Variants in EPN1 observed in about 807,000 individuals in gnomAD.
The protein encoded by EPN1 is epsin 1.
A neutral mutation model predicts 56.9 loss-of-function variants in EPN1; 25 were observed. That is an observed-to-expected ratio of 0.44 (90% CI 0.32 to 0.61). The LOEUF is 0.61. Ranked by LOEUF, EPN1 falls within the 20% of genes least tolerant of loss-of-function variation. The probability of loss-of-function intolerance (pLI) is 0.05; values close to 1 mark genes in which losing one functional copy is unlikely to be tolerated. For synonymous variants in EPN1, 411 were observed against 361.8 expected (o/e 1.14, Z -1.54); for missense variants, 785 against 823.7 (o/e 0.95, Z 0.58).
In EPN1 at chr19:55,698,612, G is replaced by C. The variant is rs746309142; in HGVS notation, c.*3256G>C. 2 of 152,436 alleles carry C rather than the reference G, an allele frequency of 1.3e-5. No homozygotes were observed. The highest frequency in any genetic ancestry group is 2.9e-5 in the Non-Finnish European group (2 of 68,196). The allele number at this position is 152,436 out of a possible 1,614,324, so 9.4% of individuals were successfully genotyped here. On this transcript the variant is annotated 3_prime_UTR_variant, in exon 11 of 11. Transcript: ENST00000270460. ...CGCTTGCCCCTCGCTCTGGAGCTGC[G>C]ATGCCAGCCTCAGGGCTTTCAGTCC...
chr19:55,676,213 A>T (rs1249801431), intron 1 of EPN1, among the ~76,000 whole-genome samples: 1 of 152,226 alleles, frequency 6.6e-6, no homozygotes, highest in Non-Finnish European at 1.5e-5. Context: ...GTGTGTAATT[A>T]CTGGGAGCTC....
At chr19:55,675,664 C>T (rs1295907557) in intron 1 of EPN1, among the ~76,000 whole-genome samples, 3 of 152,160 alleles carry the variant, frequency 2.0e-5, no homozygotes, top group African/African-American at 4.8e-5. Flanking sequence ...CTGCCTGTGC[C>T]TGTTTCAGTG....
chr19:55,687,776 C>T (rs1476675948), intron 3 of EPN1, among the ~76,000 whole-genome samples: 1 of 152,208 alleles, frequency 6.6e-6, no homozygotes, highest in East Asian at 1.9e-4. Context: ...GGTCACCCTT[C>T]GGCCCCGCTC....
At position 55,709,014 on chromosome 19, in the gene EPN1, A is replaced by C; in HGVS notation, c.*13658A>C. ...CTTCCACAGACATCAGGATCTTCTG[A>C]GTTTCTTCATCAAAGCCAGATTTGT... On this transcript the variant is annotated 3_prime_UTR_variant, in exon 11 of 11. Transcript: ENST00000270460. The C allele has an allele frequency of 1.3e-6, 2 of 1,582,616 alleles. No individual in the cohort carries two copies. Among genetic ancestry groups the C allele is most frequent in the African/African-American group, 2.7e-5 (2 of 72,922 alleles).
At chr19:55,683,027 T>C (rs910371134) in intron 2 of EPN1, among the ~76,000 whole-genome samples, 2 of 151,644 alleles carry the variant, frequency 1.3e-5, no homozygotes, top group East Asian at 3.9e-4. Context: ...AGTGCTGGGA[T>C]TACAGGTGTG....
At position 55,689,239 on chromosome 19, in the gene EPN1, G is replaced by T. The variant is rs1986373487; in HGVS notation, c.604-58G>T. On this transcript the variant is annotated intron_variant, in intron 4 of 10. Transcript: ENST00000270460. This position sits in a 1 kb window ranked among gnomAD's most constrained non-coding sequence, Gnocchi z 5.7. ...TTCGGCTCTATCTGACCCTGGCTCT[G>T]CCTCTGACTCTGCCTCTGGCCCCTC... is the stretch of plus-strand genomic sequence containing the variant. 3.0e-6 allele frequency: 4 copies of T among 1,328,902 alleles called. No homozygotes were observed. In the African/African-American group the frequency reaches 5.8e-5, roughly 19 times the overall value. 82.3% of individuals were successfully genotyped at this position (1,328,902 alleles called of 1,614,324 possible).
Position 55,691,620 on chromosome 19 carries a change from T to C in EPN1, c.763-134T>C. On this transcript the variant is annotated intron_variant, in intron 6 of 10. Coordinates refer to ENST00000270460, the MANE Select transcript of EPN1 (RefSeq NM_001130072.2). This position sits in a 1 kb window ranked among gnomAD's most constrained non-coding sequence, Gnocchi z 5.6. ...GTGGTGTGTTTGGGGCCTGCCTCCC[T>C]CTCACCCCTTATGGATGGCTGCTGT... 1 of 743,900 alleles carries C rather than the reference T, an allele frequency of 1.3e-6. No homozygotes were observed. The highest frequency in any genetic ancestry group is 2.2e-6 in the Non-Finnish European group (1 of 446,562). 46.1% of individuals were successfully genotyped at this position (743,900 alleles called of 1,614,324 possible).
rs1002337792 is a variant in EPN1 at position 55,678,627 on chromosome 19, C to A, written c.-1C>A. 2 of 1,607,868 alleles carry A rather than the reference C, an allele frequency of 1.2e-6. No homozygotes were observed. The highest frequency in any genetic ancestry group is 2.2e-5 in the East Asian group (1 of 44,656). On this transcript the variant is annotated 5_prime_UTR_variant, in exon 2 of 11. Transcript: ENST00000270460. ...GCCCCTTGCTGCTGCAGCCGGGCAC[C>A]ATGTCGACCTCGTCCTTGAGGCGCC...
At chr19:55,677,438 AT>A in intron 1 of EPN1, 3 of 704,984 alleles carry the variant, frequency 4.3e-6, no homozygotes, top group Non-Finnish European at 7.2e-6. Context: ...GGATGGGTTA[AT>A]TTAATTTAGG....
rs202062027 is a variant in EPN1 at position 55,685,382 on chromosome 19, G to C, written c.229-14G>C. On this transcript the variant is annotated splice_polypyrimidine_tract_variant and intron_variant, in intron 2 of 10. Coordinates refer to ENST00000270460, the MANE Select transcript of EPN1 (RefSeq NM_001130072.2). ...CCCGGCGTGCTGACCGGGCATCCCC[G>C]TGCCCGCTCGCAGGCCATGACGCTG... 1.5e-5 allele frequency: 24 copies of C among 1,606,626 alleles called. No individual in the cohort carries two copies. In the South Asian group the frequency reaches 2.7e-4, roughly 18 times the overall value.
Position 55,689,174 on chromosome 19 carries a change from C to T in EPN1, c.604-123C>T. On this transcript the variant is annotated intron_variant, in intron 4 of 10. Transcript: ENST00000270460. The surrounding 1 kb of genome is among the most constrained non-coding windows in gnomAD (Gnocchi z 5.7). Reference sequence around the variant, plus strand: ...CGTCCCTCTGCGTGTCACTCTCTGCCTGTCCCTCACTGGTTCAGGGACCCC... The same window carrying T: ...CGTCCCTCTGCGTGTCACTCTCTGCTTGTCCCTCACTGGTTCAGGGACCCC... 9.0e-7 allele frequency: 1 copy of T among 1,115,098 alleles called. No homozygotes were observed. Among genetic ancestry groups the T allele is most frequent in the Non-Finnish European group, 1.3e-6 (1 of 776,942 alleles). 69.1% of individuals were successfully genotyped at this position (1,115,098 alleles called of 1,614,324 possible).
Position 55,708,914 on chromosome 19 carries a change from A to G in EPN1, c.*13558A>G, listed in dbSNP as rs141632414. 6 of 1,540,616 alleles carry G rather than the reference A, an allele frequency of 3.9e-6. No individual in the cohort carries two copies. Among genetic ancestry groups the G allele is most frequent in the South Asian group, 1.3e-5 (1 of 78,784 alleles). ...CGACTACTTCAGGGTGTTCCCCATC[A>G]GAGGAGCACACCCCTGATCTTGTAT... is the stretch of plus-strand genomic sequence containing the variant. On this transcript the variant is annotated 3_prime_UTR_variant, in exon 11 of 11. Coordinates refer to ENST00000270460, the MANE Select transcript of EPN1 (RefSeq NM_001130072.2).
rs1409719251 is a variant in EPN1, at chr19:55,694,473, A to G, written c.1265-253A>G. 2.4e-5 allele frequency: 10 copies of G among 423,946 alleles called. No individual in the cohort carries two copies. The highest frequency in any genetic ancestry group is 3.3e-5 in the Non-Finnish European group (8 of 243,394). The allele number at this position is 423,946 out of a possible 1,614,324, so 26.3% of individuals were successfully genotyped here. Reference sequence around the variant, plus strand: ...AAGCAGTTGCTGCCCTCTGGTTGTCAGAGGGTGACACCTGCTTCTGTCATC... The same window carrying G: ...AAGCAGTTGCTGCCCTCTGGTTGTCGGAGGGTGACACCTGCTTCTGTCATC... On this transcript the variant is annotated intron_variant, in intron 9 of 10. Transcript: ENST00000270460. The surrounding 1 kb of genome is among the most constrained non-coding windows in gnomAD (Gnocchi z 4.2).
chr19:55,681,829 A>G (rs984491628), intron 2 of EPN1, among the ~76,000 whole-genome samples: 1 of 151,682 alleles, frequency 6.6e-6, no homozygotes, highest in Non-Finnish European at 1.5e-5. Flanking sequence ...TTTTTTAGAG[A>G]CAAAGTGTTG....
chr19:55,709,061 A>G lies in EPN1; in HGVS notation c.*13705A>G, dbSNP rs746811874. 1.2e-5 allele frequency: 18 copies of G among 1,552,054 alleles called. No homozygotes were observed. The highest frequency in any genetic ancestry group is 2.5e-5 in the South Asian group (2 of 79,938). Reference sequence around the variant, plus strand: ...TTGTGCAGCCTGGGAAAATAGAAATAAAGTTTTTTTTTTTGTTTTTCATTT... The same window carrying G: ...TTGTGCAGCCTGGGAAAATAGAAATGAAGTTTTTTTTTTTGTTTTTCATTT... On this transcript the variant is annotated 3_prime_UTR_variant, in exon 11 of 11. Transcript: ENST00000270460.
chr19:55,693,189 C>A, intron 9 of EPN1, 152 bp downstream of exon 9: 1 of 588,034 alleles, frequency 1.7e-6, no homozygotes, highest in Non-Finnish European at 3.0e-6. Flanking sequence ...CCAGAACCAT[C>A]CACCTGTCTT....
rs866954688 is a variant in EPN1, at chr19:55,696,174, C to T, written c.*818C>T. The T allele has an allele frequency of 2.6e-5, 4 of 152,364 alleles. No homozygotes were observed. The highest frequency in any genetic ancestry group is 4.4e-5 in the Non-Finnish European group (3 of 68,168). The allele number at this position is 152,364 out of a possible 1,614,324, so 9.4% of individuals were successfully genotyped here. A position where few individuals can be genotyped will look rare whatever the true frequency, so the allele number is the denominator to read the frequency against. Reference sequence around the variant, plus strand: ...CACCGCAAGCATCACTAATCCATCCCTGCACTCCTGGAAAGCCGGGTCAGC... The same window carrying T: ...CACCGCAAGCATCACTAATCCATCCTTGCACTCCTGGAAAGCCGGGTCAGC... On this transcript the variant is annotated 3_prime_UTR_variant, in exon 11 of 11. Transcript: ENST00000270460.
rs1207483476 is a variant in EPN1 at position 55,701,016 on chromosome 19, C to T, written c.*5660C>T. The T allele has an allele frequency of 6.6e-6, 1 of 152,274 alleles. No individual in the cohort carries two copies. The highest frequency in any genetic ancestry group is 2.4e-5 in the African/African-American group (1 of 41,462). 9.4% of individuals were successfully genotyped at this position (152,274 alleles called of 1,614,324 possible). A position where few individuals can be genotyped will look rare whatever the true frequency, so the allele number is the denominator to read the frequency against. ...TCACGGGGAGCCGGGCTGGGACAAG[C>T]TCCAGACGGCCAGGGTGGTGTGGGT... On this transcript the variant is annotated 3_prime_UTR_variant, in exon 11 of 11. Coordinates refer to ENST00000270460, the MANE Select transcript of EPN1 (RefSeq NM_001130072.2).
chr19:55,693,816 G>A (rs540038918), intron 9 of EPN1, among the ~76,000 whole-genome samples: 7 of 152,262 alleles, frequency 4.6e-5, no homozygotes, highest in African/African-American at 7.2e-5. Context: ...CTAGGTTAAC[G>A]TAGAGCAACC....
Sources: allele counts gnomAD v4.1 joint callset (sites outside exome capture counted in the v4.1 genomes callset), GRCh38; gene constraint gnomAD v4.1.1; non-coding constraint Gnocchi (gnomAD v3.1); transcripts MANE v1.5; gene names NCBI Gene and HGNC (gene_info 2026-07-23, HGNC 2026-07-21).